The following ASCC3 variants were observed in gnomAD, a reference collection of about 807,000 sequenced individuals.
The protein encoded by ASCC3 is activating signal cointegrator 1 complex subunit 3.
ASCC3 carries 158 observed loss-of-function variants against 256.3 expected under a neutral mutation model. The observed-to-expected ratio is 0.62, with a 90% CI of 0.54 to 0.70. ASCC3 has a LOEUF of 0.70. ASCC3 is among the 30% of genes least tolerant of loss of function. The pLI is 0.00. For synonymous variants in ASCC3, 948 were observed against 883.4 expected, an observed-to-expected ratio of 1.07 and a Z score of -1.30; for missense variants, 2,259 against 2,626.0, an observed-to-expected ratio of 0.86 and a Z score of 3.05.
At chr6:100,848,107 A>C in intron 4 of ASCC3, 41 bp downstream of exon 4, 33 of 1,469,354 alleles carry the variant, frequency 2.2e-5, no homozygotes, top group Non-Finnish European at 2.6e-5. Context: ...TCATTAGGAT[A>C]GTTCACATTA....
chr6:100,718,759 A>C (rs1779195890), intron 11 of ASCC3, among the ~76,000 whole-genome samples: 1 of 152,090 alleles, frequency 6.6e-6, no homozygotes, highest in African/African-American at 2.4e-5. Flanking sequence ...CATGAATAAA[A>C]ATAAAAATAA....
Position 100,662,012 on chromosome 6 carries a change from C to G in ASCC3, c.2497G>C (p.Ala833Pro). 6.2e-7 allele frequency: 1 copy of G among 1,613,138 alleles called. No homozygotes were observed. The highest frequency in any genetic ancestry group is 8.5e-7 in the Non-Finnish European group (1 of 1,179,398). Residue 833 changes from alanine to proline, a missense_variant, in exon 16 of 42, where the codon GCA becomes CCA. Coordinates refer to ENST00000369162, the MANE Select transcript of ASCC3 (RefSeq NM_006828.4). ...AGGTCAACAAAGGAGCCTCTTTTTGCAGCATATATTTGTGTTCCCTAGATG... is the reference window on the plus strand; with the variant it reads ...AGGTCAACAAAGGAGCCTCTTTTTGGAGCATATATTTGTGTTCCCTAGATG... The part of the protein sequence containing the change: ...VIIKGTQIYA[A>P]KRGSFVDLGI...
chr6:100,580,045 T>C (rs913905175), intron 36 of ASCC3, among the ~76,000 whole-genome samples: 1 of 152,114 alleles, frequency 6.6e-6, no homozygotes, highest in Non-Finnish European at 1.5e-5. Flanking sequence ...TTTTTATCTC[T>C]TTCGTCAGTT....
chr6:100,517,724 C>T lies in ASCC3; in HGVS notation c.5927+267G>A, dbSNP rs1774103396. 3.3e-5 allele frequency among the ~76,000 whole-genome samples: 5 copies of T among 152,064 alleles called. No individual in the cohort carries two copies. In the South Asian group the frequency reaches 1.0e-3, roughly 32 times the overall value. ...AAGATTGATATTATAAAAGAATAAA[C>T]ACATTAACATAAAAATGTTTCCAAT... On this transcript the variant is annotated intron_variant, in intron 38 of 41. Coordinates refer to ENST00000369162, the MANE Select transcript of ASCC3 (RefSeq NM_006828.4).
At chr6:100,607,145 A>T (rs1429562437) in intron 30 of ASCC3, 57 bp from the exon 31 acceptor site, 2 of 1,555,422 alleles carry the variant, frequency 1.3e-6, no homozygotes, top group African/African-American at 1.4e-5. Flanking sequence ...ATTTTCATTA[A>T]TTTTTCATGT....
chr6:100,799,544 C>T lies in ASCC3; in HGVS notation c.1156G>A (p.Val386Ile). The change falls in exon 7 of 42, where the codon GTT (valine) becomes ATT (isoleucine). Residue 386 changes from valine to isoleucine, a missense_variant. Around this residue, in one of 2 missense-constraint regions of ASCC3, gnomAD observed 1,839 missense variants for 2,206.7 expected, o/e 0.83. Transcript: ENST00000369162. Reference protein sequence around the residue: ...REQALLNARSVPILSRQRDAD... With the variant: ...REQALLNARSIPILSRQRDAD... ...TCTCTCTGCCTGCTCAGAATTGGAA[C>T]ACTTCTAGCATTCAGAAGTGCCTGT... 6.2e-7 allele frequency: 1 copy of T among 1,612,730 alleles called. No individual in the cohort carries two copies. Among genetic ancestry groups the T allele is most frequent in the Non-Finnish European group, 8.5e-7 (1 of 1,179,400 alleles).
intron 37 of ASCC3, among the ~76,000 whole-genome samples, chr6:100,523,388 C>T (rs1360116888): frequency 6.6e-6 from 1 of 151,996 alleles, no homozygotes; most frequent in Non-Finnish European, 1.5e-5. Flanking sequence ...ACTGTAATAT[C>T]CTTGAGGTTA....
chr6:100,554,462 T>A (rs904618585), intron 36 of ASCC3, among the ~76,000 whole-genome samples: 1 of 152,152 alleles, frequency 6.6e-6, no homozygotes, highest in Non-Finnish European at 1.5e-5. Flanking sequence ...AAGAGGGCAC[T>A]TGTACAGTGG....
At chr6:100,737,456 A>C (rs1488497618) in intron 10 of ASCC3, among the ~76,000 whole-genome samples, 1 of 151,968 alleles carries the variant, frequency 6.6e-6, no homozygotes, top group Non-Finnish European at 1.5e-5. Context: ...TGCAGCTCTG[A>C]CTTATAAGTG....
intron 3 of ASCC3, among the ~76,000 whole-genome samples, chr6:100,861,922 T>C (rs973442772): frequency 1.3e-5 from 2 of 152,172 alleles, no homozygotes; most frequent in African/African-American, 2.4e-5. Flanking sequence ...TTCCACCTTA[T>C]TTATGTAAAG....
Position 100,777,475 on chromosome 6 carries a change from C to CA in ASCC3, c.1396-10131dup, listed in dbSNP as rs544803134. Among the ~76,000 whole-genome samples, 812 of 149,328 alleles carry CA rather than the reference C, an allele frequency of 5.4e-3. 5 individuals are homozygous for CA. The highest frequency in any genetic ancestry group is 0.018 in the African/African-American group (727 of 40,890). Reference sequence around the variant, plus strand: ...CTTACATTCTAATTAGGGTGGAAGACAAAAAAAAATCAACATGTTTACTAA... The same window carrying CA: ...CTTACATTCTAATTAGGGTGGAAGACAAAAAAAAAATCAACATGTTTACTAA... On this transcript the variant is annotated intron_variant, in intron 8 of 41. Transcript: ENST00000369162.
Position 100,794,416 on chromosome 6 carries a change from C to T in ASCC3, c.1395+4297G>A, listed in dbSNP as rs117944586. ...AACATCCTTTGTGTGGCATACACCA[C>T]CACCTGCTTTGTCTATCTGGCAAAA... On this transcript the variant is annotated intron_variant, in intron 8 of 41. Coordinates refer to ENST00000369162, the MANE Select transcript of ASCC3 (RefSeq NM_006828.4). Among the ~76,000 whole-genome samples, 26 of 152,166 alleles carry T rather than the reference C, an allele frequency of 1.7e-4. No homozygotes were observed. The East Asian group carries it at 5.0e-3, about 29-fold the overall frequency.
intron 37 of ASCC3, among the ~76,000 whole-genome samples, chr6:100,523,134 C>T (rs1239640168): frequency 6.6e-6 from 1 of 151,446 alleles, no homozygotes; most frequent in Non-Finnish European, 1.5e-5. Context: ...ATGTGGTATA[C>T]TAGAAAAAGG....
intron 36 of ASCC3, among the ~76,000 whole-genome samples, chr6:100,552,868 A>G (rs974513345): frequency 1.1e-4 from 17 of 152,020 alleles, no homozygotes; most frequent in African/African-American, 4.1e-4. Flanking sequence ...TAGAATGAAT[A>G]GAAAATATTA....
rs117305336 is a variant in ASCC3, at chr6:100,776,590, T to C, written c.1396-9245A>G. 6.2e-3 allele frequency among the ~76,000 whole-genome samples: 951 copies of C among 152,200 alleles called. 8 individuals carry two copies. The highest frequency in any genetic ancestry group is 8.0e-3 in the Non-Finnish European group (546 of 67,952). ...TTTATGAAATTCCATAGAAAGTGTA[T>C]GTTTTGGATATCCATTTATTAAATA... On this transcript the variant is annotated intron_variant, in intron 8 of 41. Transcript: ENST00000369162.
intron 22 of ASCC3, among the ~76,000 whole-genome samples, chr6:100,645,660 C>G (rs1286968145): frequency 6.6e-6 from 1 of 152,050 alleles, no homozygotes; most frequent in Non-Finnish European, 1.5e-5. Flanking sequence ...CCTACAATCT[C>G]TAACATAGTA....
intron 13 of ASCC3, among the ~76,000 whole-genome samples, chr6:100,680,845 A>G (rs1777264772): frequency 6.6e-6 from 1 of 152,174 alleles, no homozygotes; most frequent in Non-Finnish European, 1.5e-5. Flanking sequence ...GGAAGTTAAA[A>G]CTTTGATGTT....
intron 14 of ASCC3, among the ~76,000 whole-genome samples, chr6:100,673,781 G>T (rs1348996108): frequency 6.6e-6 from 1 of 152,114 alleles, no homozygotes; most frequent in African/African-American, 2.4e-5. Context: ...GCTTCTCACT[G>T]CATATAAAGT....
At chr6:100,616,727 C>A (rs1773682972) in intron 30 of ASCC3, among the ~76,000 whole-genome samples, 1 of 152,108 alleles carries the variant, frequency 6.6e-6, no homozygotes, top group African/African-American at 2.4e-5. Flanking sequence ...CTTGCAGAAT[C>A]CTAATTAATT....
Sources: allele counts gnomAD v4.1 joint callset (sites outside exome capture counted in the v4.1 genomes callset), GRCh38; gene constraint gnomAD v4.1.1; regional missense constraint gnomAD v4.1.1; transcripts MANE v1.5; gene names NCBI Gene and HGNC (gene_info 2026-07-23, HGNC 2026-07-21).